DCBLD1: variants seen among roughly 807,000 people sequenced by gnomAD.
DCBLD1 encodes the protein discoidin, CUB and LCCL domain-containing protein 1.
In DCBLD1, 57 loss-of-function variants were observed where a neutral mutation model predicts 71.5. That is an observed-to-expected ratio of 0.80 (90% CI 0.64 to 0.99). The LOEUF (loss-of-function observed/expected upper bound fraction) is 0.99, where lower values mean the gene tolerates loss of function less well. Ranked by LOEUF, DCBLD1 falls within the 50% of genes least tolerant of loss-of-function variation. The probability of loss-of-function intolerance (pLI) is 0.00; values close to 1 mark genes in which losing one functional copy is unlikely to be tolerated. For synonymous variants in DCBLD1, 380 were observed against 363.8 expected (o/e 1.04, Z -0.51); for missense variants, 891 against 923.5 (o/e 0.96, Z 0.46).
intron 6 of DCBLD1, 54 bp downstream of exon 6, chr6:117,532,447 A>G: frequency 6.7e-7 from 1 of 1,497,850 alleles, no homozygotes; most frequent in Non-Finnish European, 8.9e-7. Context: ...ACCCTGAAGG[A>G]TAATTAACCA....
Position 117,569,473 on chromosome 6 carries a change from C to T in DCBLD1, c.1616-147C>T, listed in dbSNP as rs533796484. 2.5e-4 allele frequency: 366 copies of T among 1,464,590 alleles called. 1 individual carries two copies. In the South Asian group the frequency reaches 4.6e-3, roughly 18 times the overall value. 90.7% of individuals were successfully genotyped at this position (1,464,590 alleles called of 1,614,324 possible). ...AAAGGAAACAAGAACTATGTGTAAA[C>T]ACTTTACTACTTTAGAAACTTCGTA... On this transcript the variant is annotated intron_variant, in intron 14 of 14. Coordinates refer to the DCBLD1 transcript ENST00000296955.
intron 7 of DCBLD1, among the ~76,000 whole-genome samples, chr6:117,537,621 TG>T (rs766722618): frequency 3.7e-5 from 5 of 135,792 alleles, no homozygotes; most frequent in East Asian, 2.1e-4. Flanking sequence ...TTTAAAAGGT[TG>T]TTTTTTTTTT....
At chr6:117,517,120 A>G (rs1263100734) in intron 2 of DCBLD1, among the ~76,000 whole-genome samples, 1 of 152,240 alleles carries the variant, frequency 6.6e-6, no homozygotes, top group African/African-American at 2.4e-5. Context: ...CCTTCTGCCT[A>G]TGAGCCTGTA....
At chr6:117,530,308 G>A (rs185539101) in intron 5 of DCBLD1, among the ~76,000 whole-genome samples, 14 of 152,308 alleles carry the variant, frequency 9.2e-5, no homozygotes, top group African/African-American at 3.4e-4. Context: ...CGGGGTGGGG[G>A]ATGGTTTCAG....
intron 4 of DCBLD1, among the ~76,000 whole-genome samples, chr6:117,525,146 G>T (rs985261516): frequency 1.2e-4 from 18 of 152,068 alleles, no homozygotes; most frequent in African/African-American, 4.3e-4. Context: ...AGACTTTATG[G>T]TGAATCCTTA....
At chr6:117,551,411 G>A (rs1004618650), downstream of DCBLD1, among the ~76,000 whole-genome samples, 4 of 151,132 alleles carry the variant, frequency 2.6e-5, no homozygotes, top group African/African-American at 9.7e-5. Flanking sequence ...ACAGAGTCTG[G>A]CTCTGTCACC....
chr6:117,532,529 C>A, intron 6 of DCBLD1, 136 bp downstream of exon 6: 1 of 1,119,064 alleles, frequency 8.9e-7, no homozygotes, highest in Non-Finnish European at 1.2e-6. Context: ...TGCATGAGTG[C>A]TTAGAGCAGC....
intron 2 of DCBLD1, chr6:117,508,060 C>T (rs1777896267): frequency 1.3e-5 from 2 of 152,064 alleles, no homozygotes; most frequent in Admixed American, 6.6e-5. Context: ...CTTTGTTCTT[C>T]AAAGAGGCCC....
At chr6:117,547,129 A>G (rs749243790) in intron 14 of DCBLD1, among the ~76,000 whole-genome samples, 1 of 151,654 alleles carries the variant, frequency 6.6e-6, no homozygotes, top group Non-Finnish European at 1.5e-5. Flanking sequence ...TCTTGGGTCA[A>G]CCTCCACAGT....
At position 117,566,938 on chromosome 6, in the gene DCBLD1, G is replaced by A. The variant is rs146680503; in HGVS notation, c.1616-2682G>A. On this transcript the variant is annotated intron_variant, in intron 14 of 14. Transcript: ENST00000296955. ...CCTTCTAACTCATCAAGGTACAAACGGTAACGATGTCCACTCTCATCTTCA... is the reference window on the plus strand; with the variant it reads ...CCTTCTAACTCATCAAGGTACAAACAGTAACGATGTCCACTCTCATCTTCA... The A allele has an allele frequency of 4.0e-5, 64 of 1,611,922 alleles. No individual in the cohort carries two copies. The African/African-American group carries it at 5.1e-4, about 13-fold the overall frequency.
chr6:117,509,423 A>G (rs1393776046), intron 2 of DCBLD1, among the ~76,000 whole-genome samples: 1 of 152,174 alleles, frequency 6.6e-6, no homozygotes, highest in East Asian at 1.9e-4. Flanking sequence ...AGACGGAGAC[A>G]CTGTCTCAAA....
intron 14 of DCBLD1, chr6:117,563,396 G>T: frequency 6.2e-7 from 1 of 1,603,094 alleles, no homozygotes. Context: ...TGAAAGAAAG[G>T]AGAAAAAAAA....
chr6:117,566,878 T>C (rs773980908), intron 14 of DCBLD1: 1 of 1,587,874 alleles, frequency 6.3e-7, no homozygotes, highest in East Asian at 2.3e-5. Context: ...ATTTCCCCAC[T>C]TGTGTCTTTG....
intron 14 of DCBLD1, among the ~76,000 whole-genome samples, chr6:117,545,890 T>C (rs1353829910): frequency 1.3e-5 from 2 of 152,162 alleles, no homozygotes; most frequent in African/African-American, 4.8e-5. Context: ...ACCAAAGCTT[T>C]GATTAAGGCA....
At chr6:117,489,157 C>T (rs893588753) in intron 1 of DCBLD1, among the ~76,000 whole-genome samples, 10 of 152,268 alleles carry the variant, frequency 6.6e-5, no homozygotes, top group Admixed American at 6.5e-5. Context: ...ATAGCATAAG[C>T]GTCTGCTCAG....
chr6:117,541,686 TAAGAA>T (rs1177496404), intron 11 of DCBLD1, among the ~76,000 whole-genome samples: 1 of 152,134 alleles, frequency 6.6e-6, no homozygotes, highest in Non-Finnish European at 1.5e-5. Context: ...AAAACACAAA[TAAGAA>T]AACAAAAATT....
chr6:117,530,132 G>A (rs1778667240), intron 5 of DCBLD1, among the ~76,000 whole-genome samples: 1 of 152,134 alleles, frequency 6.6e-6, no homozygotes, highest in African/African-American at 2.4e-5. Flanking sequence ...TTCATTCTGG[G>A]GTTTAGCGAG....
chr6:117,541,022 A>G lies in DCBLD1; in HGVS notation c.1354A>G (p.Thr452Ala). The G allele has an allele frequency of 6.2e-7, 1 of 1,614,216 alleles. No homozygotes were observed. Among genetic ancestry groups the G allele is most frequent in the Non-Finnish European group, 8.5e-7 (1 of 1,180,020 alleles). Residue 452 changes from threonine to alanine, a missense_variant, in exon 11 of 15, where the codon ACA becomes GCA. By Grantham distance (58) the Thr-to-Ala change is moderately conservative. Coordinates refer to ENST00000338728, the MANE Select transcript of DCBLD1 (RefSeq NM_001366458.2). ...TRPIPSEETS[T>A]GINITTVAIP... is the part of the protein sequence containing the mutation. Reference sequence around the variant, plus strand: ...GCCCATCCCCTCGGAAGAAACATCCACAGGTAGAGCCGTGATTGTCTGTGG... The same window carrying G: ...GCCCATCCCCTCGGAAGAAACATCCGCAGGTAGAGCCGTGATTGTCTGTGG...
Position 117,516,661 on chromosome 6 carries a change from G to A in DCBLD1, c.326-3155G>A, listed in dbSNP as rs190149264. On this transcript the variant is annotated intron_variant, in intron 2 of 14. Coordinates refer to ENST00000338728, the MANE Select transcript of DCBLD1 (RefSeq NM_001366458.2). The stretch of plus-strand genomic sequence containing the variant: ...GGTCCATTTTCATGCTGCTGATAAG[G>A]ACATACCTGAGACTGGGCAATTTAC... Among the ~76,000 whole-genome samples, 3 of 152,250 alleles carry A rather than the reference G, an allele frequency of 2.0e-5. No homozygotes were observed. The East Asian group carries it at 5.8e-4, about 29-fold the overall frequency.
Sources: allele counts gnomAD v4.1 joint callset (sites outside exome capture counted in the v4.1 genomes callset), GRCh38; gene constraint gnomAD v4.1.1; transcripts MANE v1.5; gene names NCBI Gene and HGNC (gene_info 2026-07-23, HGNC 2026-07-21).